The following CHRM3 variants were observed in gnomAD, a reference collection of about 807,000 sequenced individuals.
CHRM3 encodes muscarinic acetylcholine receptor M3.
CHRM3 carries 11 observed loss-of-function variants against 41.8 expected under a neutral mutation model. That is an observed-to-expected ratio of 0.26 (90% CI 0.17 to 0.44). The LOEUF (loss-of-function observed/expected upper bound fraction) is 0.44, where lower values mean the gene tolerates loss of function less well. Among genes scored for constraint, CHRM3 ranks in the 20% least tolerant of loss-of-function variants. CHRM3 has a pLI of 1.00. For synonymous variants in CHRM3, 297 were observed against 301.4 expected (o/e 0.99, Z 0.15); for missense variants, 571 against 745.4 (o/e 0.77, Z 2.72).
intron 3 of CHRM3, among the ~76,000 whole-genome samples, chr1:239,620,858 C>T (rs780058255): frequency 6.6e-6 from 1 of 152,018 alleles, no homozygotes; most frequent in Non-Finnish European, 1.5e-5. Flanking sequence ...AGTACTGTTT[C>T]GTGAGAAGGG....
chr1:239,451,451 C>G lies in CHRM3; in HGVS notation c.-520-41258C>G, dbSNP rs75266314. On this transcript the variant is annotated intron_variant, in intron 1 of 6. Coordinates refer to ENST00000676153, the MANE Select transcript of CHRM3 (RefSeq NM_001375978.1). ...TGTTGAGAGCACAGGCTCAGGAGCT[C>G]AGAGTGTGGACTCAGAATCTGGTTT... 6.9e-3 allele frequency among the ~76,000 whole-genome samples: 1,045 copies of G among 152,206 alleles called. 5 individuals are homozygous for G. Among genetic ancestry groups the G allele is most frequent in the Non-Finnish European group, 0.01 (686 of 67,996 alleles).
intron 3 of CHRM3, among the ~76,000 whole-genome samples, chr1:239,619,218 T>C (rs1668081373): frequency 6.6e-6 from 1 of 152,072 alleles, no homozygotes; most frequent in African/African-American, 2.4e-5. Context: ...CCTGACCTCC[T>C]TTCTCTTTTT....
At chr1:239,660,699 A>C (rs150904575) in intron 4 of CHRM3, among the ~76,000 whole-genome samples, 1 of 152,132 alleles carries the variant, frequency 6.6e-6, no homozygotes, top group African/African-American at 2.4e-5. Context: ...CCTGGCCAAC[A>C]TGGCAAAACC....
At chr1:239,407,211 C>T (rs1018993882) in intron 1 of CHRM3, among the ~76,000 whole-genome samples, 3 of 152,074 alleles carry the variant, frequency 2.0e-5, no homozygotes, top group African/African-American at 7.2e-5. Context: ...TCCTCAAATG[C>T]CATCCGATCA....
chr1:239,774,947 CT>C (rs1376412757), intron 5 of CHRM3, among the ~76,000 whole-genome samples: 2 of 152,096 alleles, frequency 1.3e-5, no homozygotes, highest in East Asian at 3.9e-4. Context: ...TGGAAATCTC[CT>C]TGCCATAGGA....
Position 239,893,508 on chromosome 1 carries a change from C to A in CHRM3, c.-19-13925C>A, listed in dbSNP as rs768392392. Among the ~76,000 whole-genome samples the A allele has an allele frequency of 1.3e-4, 20 of 152,142 alleles. 1 individual carries two copies. Among genetic ancestry groups the A allele is most frequent in the Non-Finnish European group, 2.8e-4 (19 of 68,024 alleles). ...TGTGACTTGGGACAAGTCTTCAACT[C>A]CTTGGTACATCCATTTCTTCACCCT... On this transcript the variant is annotated intron_variant, in intron 6 of 6. Transcript: ENST00000676153.
At chr1:239,676,645 A>G (rs540874294) in intron 4 of CHRM3, among the ~76,000 whole-genome samples, 2 of 152,288 alleles carry the variant, frequency 1.3e-5, no homozygotes, top group South Asian at 4.1e-4. Flanking sequence ...GACTGGCCCC[A>G]GTTTTAGCCA....
intron 5 of CHRM3, among the ~76,000 whole-genome samples, chr1:239,773,033 T>C (rs923902859): frequency 6.6e-6 from 1 of 152,208 alleles, no homozygotes; most frequent in African/African-American, 2.4e-5. Context: ...AAGACTTTTT[T>C]GAGATGTTTT....
At chr1:239,751,742 C>T (rs1665848531) in intron 5 of CHRM3, among the ~76,000 whole-genome samples, 1 of 152,040 alleles carries the variant, frequency 6.6e-6, no homozygotes, top group Non-Finnish European at 1.5e-5. Flanking sequence ...ATTCAAGGAG[C>T]CTCAATTTTC....
chr1:239,535,784 G>A (rs918807930), intron 2 of CHRM3, among the ~76,000 whole-genome samples: 2 of 151,958 alleles, frequency 1.3e-5, no homozygotes, highest in African/African-American at 4.8e-5. Context: ...CAACATCATG[G>A]AGGTCAGTGG....
chr1:239,870,236 AGGGT>A (rs1272473960), intron 6 of CHRM3, among the ~76,000 whole-genome samples: 12 of 152,174 alleles, frequency 7.9e-5, no homozygotes, highest in African/African-American at 2.2e-4. Flanking sequence ...ACATCTCTGT[AGGGT>A]CACACAGGGA....
intron 6 of CHRM3, among the ~76,000 whole-genome samples, chr1:239,856,332 G>C (rs1439081358): frequency 6.6e-6 from 1 of 152,114 alleles, no homozygotes; most frequent in Non-Finnish European, 1.5e-5. Flanking sequence ...GGATCACGGG[G>C]GTGGTTTCTA....
At chr1:239,826,745 A>C (rs1672494379) in intron 5 of CHRM3, 1 of 152,236 alleles carries the variant, frequency 6.6e-6, no homozygotes, top group Non-Finnish European at 1.5e-5. Flanking sequence ...TGGATAAAAT[A>C]AGATGGAAGA....
intron 1 of CHRM3, among the ~76,000 whole-genome samples, chr1:239,404,744 A>G (rs1003002068): frequency 2.1e-5 from 3 of 144,192 alleles, no homozygotes; most frequent in African/African-American, 7.5e-5. Context: ...ATATATATAT[A>G]TATATATATA....
chr1:239,688,055 G>C (rs998144898), intron 5 of CHRM3, among the ~76,000 whole-genome samples: 3 of 151,752 alleles, frequency 2.0e-5, no homozygotes, highest in Non-Finnish European at 4.4e-5. Context: ...ACACAAAACT[G>C]CTCTTAAGGT....
At chr1:239,902,553 C>T (rs1209488622) in intron 6 of CHRM3, among the ~76,000 whole-genome samples, 10 of 152,170 alleles carry the variant, frequency 6.6e-5, no homozygotes, top group Admixed American at 3.3e-4. Flanking sequence ...TGAGTACCCA[C>T]GACTTCCTAA....
intron 1 of CHRM3, among the ~76,000 whole-genome samples, chr1:239,388,603 A>G (rs1658745428): frequency 6.6e-6 from 1 of 152,204 alleles, no homozygotes; most frequent in South Asian, 2.1e-4. Context: ...GGAAAACTAA[A>G]CCTAGAGCAG....
intron 4 of CHRM3, among the ~76,000 whole-genome samples, chr1:239,674,154 A>G (rs1008192448): frequency 2.0e-5 from 3 of 152,120 alleles, no homozygotes; most frequent in Non-Finnish European, 2.9e-5. Context: ...TTTCCTAGGA[A>G]CGCCATTTTT....
intron 4 of CHRM3, among the ~76,000 whole-genome samples, chr1:239,673,228 G>A (rs1461543143): frequency 6.6e-6 from 1 of 152,162 alleles, no homozygotes; most frequent in Non-Finnish European, 1.5e-5. Context: ...CTTGTCCAGA[G>A]AATGGGGTAG....
Sources: gnomAD v4.1 joint callset for allele counts (sites outside exome capture counted in the v4.1 genomes callset) on GRCh38, gnomAD v4.1.1 for gene constraint, MANE v1.5 for transcripts, NCBI Gene and HGNC (gene_info 2026-07-23, HGNC 2026-07-21) for gene names.